LY6G6F: variants seen among roughly 807,000 people sequenced by gnomAD.
LY6G6F encodes the protein lymphocyte antigen 6 family member G6F.
In LY6G6F, 26 loss-of-function variants were observed where a neutral mutation model predicts 33.0. That is an observed-to-expected ratio of 0.79 (90% CI 0.58 to 1.09). The LOEUF is 1.09. Ranked by LOEUF, LY6G6F falls within the 50% of genes least tolerant of loss-of-function variation. The pLI, the probability that LY6G6F is intolerant of heterozygous loss-of-function variation, is 0.00. For missense variants in LY6G6F, 317 were observed against 372.0 expected, an observed-to-expected ratio of 0.85 and a Z score of 1.22; for synonymous variants, 132 against 148.1, an observed-to-expected ratio of 0.89 and a Z score of 0.79.
At chr6:31,708,181 TCCCAAGTAGC>T in intron 3 of LY6G6F, 47 bp downstream of exon 3, 2 of 1,502,840 alleles carry the variant, frequency 1.3e-6, no homozygotes, top group Non-Finnish European at 1.8e-6. Context: ...CACTTCAGCC[TCCCAAGTAGC>T]TGGAATTACA....
chr6:31,709,329 G>A (rs563363967), intron 3 of LY6G6F, among the ~76,000 whole-genome samples: 2 of 150,784 alleles, frequency 1.3e-5, no homozygotes, highest in African/African-American at 2.4e-5. Context: ...GCGCAATCCC[G>A]GCTCACTGCA....
Position 31,710,632 on chromosome 6 carries a change from C to A in LY6G6F, c.*41C>A, listed in dbSNP as rs1562145680. 3.1e-6 allele frequency: 5 copies of A among 1,613,340 alleles called. No individual in the cohort carries two copies. Among genetic ancestry groups the A allele is most frequent in the Non-Finnish European group, 4.2e-6 (5 of 1,179,486 alleles). On this transcript the variant is annotated 3_prime_UTR_variant, in exon 6 of 6. Coordinates refer to ENST00000375832, the MANE Select transcript of LY6G6F (RefSeq NM_001003693.3). This position sits in a 1 kb window ranked among gnomAD's most constrained non-coding sequence, Gnocchi z 4.7. ...CTGGGAAGTGTGACCTGCTGTCTCGCTGGCCATCTGGCACCTGGAAGATTC... is the reference window on the plus strand; with the variant it reads ...CTGGGAAGTGTGACCTGCTGTCTCGATGGCCATCTGGCACCTGGAAGATTC...
Position 31,710,278 on chromosome 6 carries a change from G to C in LY6G6F, c.803-74G>C. 6.2e-7 allele frequency: 1 copy of C among 1,612,890 alleles called. No homozygotes were observed. Among genetic ancestry groups the C allele is most frequent in the Non-Finnish European group, 8.5e-7 (1 of 1,179,896 alleles). On this transcript the variant is annotated intron_variant, in intron 4 of 5. Transcript: ENST00000375832. This position sits in a 1 kb window ranked among gnomAD's most constrained non-coding sequence, Gnocchi z 4.7. ...CCTCTGTACCCCACCTCCTCTAGGG[G>C]AGGGGGCGAGGAACACGGCTCTAAG...
In LY6G6F at chr6:31,710,294, C is replaced by A. The variant is rs893637302; in HGVS notation, c.803-58C>A. The A allele has an allele frequency of 1.2e-6, 2 of 1,612,960 alleles. No individual in the cohort carries two copies. Among genetic ancestry groups the A allele is most frequent in the Non-Finnish European group, 8.5e-7 (1 of 1,179,976 alleles). ...CCTCTAGGGGAGGGGGCGAGGAACA[C>A]GGCTCTAAGTTGTCTGCTGACTTCT... On this transcript the variant is annotated intron_variant, in intron 4 of 5. Transcript: ENST00000375832. The surrounding 1 kb of genome is among the most constrained non-coding windows in gnomAD (Gnocchi z 4.7).
rs771917042 is a variant in LY6G6F at position 31,707,410 on chromosome 6, T to C, written c.53-48T>C. On this transcript the variant is annotated intron_variant, in intron 1 of 5. Transcript: ENST00000375832. This position sits in a 1 kb window ranked among gnomAD's most constrained non-coding sequence, Gnocchi z 4.1. Reference sequence around the variant, plus strand: ...CAGGGTTGAAGATCAAATGGGGGGTTATTGATCTGATGGAGGTCTCTGGCC... The same window carrying C: ...CAGGGTTGAAGATCAAATGGGGGGTCATTGATCTGATGGAGGTCTCTGGCC... 3.9e-6 allele frequency: 6 copies of C among 1,536,194 alleles called. No homozygotes were observed. The East Asian group carries it at 1.4e-4, about 35-fold the overall frequency.
rs1805906881 is a variant in LY6G6F, at chr6:31,710,004, T to C, written c.647-22T>C. The C allele has an allele frequency of 1.9e-6, 3 of 1,602,092 alleles. No individual in the cohort carries two copies. The highest frequency in any genetic ancestry group is 2.6e-6 in the Non-Finnish European group (3 of 1,173,112). On this transcript the variant is annotated intron_variant, in intron 3 of 5. Coordinates refer to ENST00000375832, the MANE Select transcript of LY6G6F (RefSeq NM_001003693.3). This position sits in a 1 kb window ranked among gnomAD's most constrained non-coding sequence, Gnocchi z 4.7. ...CCCCTCACTACCTCCCTCCCATCCC[T>C]CTGGTCTGGCCCTTACTACAGCCTC...
In LY6G6F at chr6:31,710,393, G is replaced by A; in HGVS notation, c.844G>A (p.Glu282Lys). 6.2e-7 allele frequency: 1 copy of A among 1,614,178 alleles called. No individual in the cohort carries two copies. The highest frequency in any genetic ancestry group is 8.5e-7 in the Non-Finnish European group (1 of 1,180,032). The change falls in exon 5 of 6, where the codon GAG becomes AAG. Residue 282 changes from glutamate (E) to lysine (K), a missense_variant. By Grantham distance (56) the Glu-to-Lys change is moderately conservative. Transcript: ENST00000375832. This position sits in a 1 kb window ranked among gnomAD's most constrained non-coding sequence, Gnocchi z 4.7. Reference protein sequence around the residue: ...PQFKPEIQVYENIHLARLGPP... With the variant: ...PQFKPEIQVYKNIHLARLGPP... ...GTTCAAACCCGAAATCCAGGTCTAT[G>A]AGAACATCCATTTGGCCCGTCTTGG... is the stretch of plus-strand genomic sequence containing the variant.
chr6:31,707,358 C>G lies in LY6G6F; in HGVS notation c.53-100C>G, dbSNP rs1479782096. On this transcript the variant is annotated intron_variant, in intron 1 of 5. Coordinates refer to ENST00000375832, the MANE Select transcript of LY6G6F (RefSeq NM_001003693.3). The surrounding 1 kb of genome is among the most constrained non-coding windows in gnomAD (Gnocchi z 4.1). ...AATGTGGTCACCAGCCAGGCCTGTG[C>G]TGGGGGACCCCAGAAGGGAAGGAAG... is the stretch of plus-strand genomic sequence containing the variant. The G allele has an allele frequency of 9.3e-7, 1 of 1,078,582 alleles. No individual in the cohort carries two copies. Among genetic ancestry groups the G allele is most frequent in the African/African-American group, 1.6e-5 (1 of 63,250 alleles). 66.8% of individuals were successfully genotyped at this position (1,078,582 alleles called of 1,614,324 possible).
Position 31,710,646 on chromosome 6 carries a change from C to T in LY6G6F, c.*55C>T. On this transcript the variant is annotated 3_prime_UTR_variant, in exon 6 of 6. Coordinates refer to ENST00000375832, the MANE Select transcript of LY6G6F (RefSeq NM_001003693.3). This position sits in a 1 kb window ranked among gnomAD's most constrained non-coding sequence, Gnocchi z 4.7. ...CTGCTGTCTCGCTGGCCATCTGGCA[C>T]CTGGAAGATTCCTCGACAACCTTAG... 1.2e-6 allele frequency: 2 copies of T among 1,610,292 alleles called. No homozygotes were observed. The highest frequency in any genetic ancestry group is 1.7e-6 in the Non-Finnish European group (2 of 1,176,764).
Position 31,710,438 on chromosome 6 carries a change from C to G in LY6G6F, c.869+20C>G. 6.2e-7 allele frequency: 1 copy of G among 1,614,110 alleles called. No homozygotes were observed. On this transcript the variant is annotated intron_variant, in intron 5 of 5. Transcript: ENST00000375832. The surrounding 1 kb of genome is among the most constrained non-coding windows in gnomAD (Gnocchi z 4.7). ...TCTTGGGTGAGGAACAGCTAGGGAA[C>G]AGAGGCTTAAATCCTGGAGGGGACT...
In LY6G6F at chr6:31,707,540, A is replaced by T; in HGVS notation, c.135A>T (p.Glu45Asp). 6.2e-7 allele frequency: 1 copy of T among 1,614,132 alleles called. No homozygotes were observed. Among genetic ancestry groups the T allele is most frequent in the Non-Finnish European group, 8.5e-7 (1 of 1,179,988 alleles). ...CPSPPTLHGD[E>D]HLSWFCSPAA... ...CACCACCTACTCTACATGGGGACGA[A>T]CACCTGTCATGGTTCTGCAGCCCTG... The change falls in exon 2 of 6, where the codon GAA (glutamate) becomes GAT (aspartate). Residue 45 changes from glutamate to aspartate, a missense_variant. By Grantham distance (45) the Glu-to-Asp change is conservative. Coordinates refer to ENST00000375832, the MANE Select transcript of LY6G6F (RefSeq NM_001003693.3). The surrounding 1 kb of genome is among the most constrained non-coding windows in gnomAD (Gnocchi z 4.1).
In LY6G6F at chr6:31,710,124, A is replaced by G; in HGVS notation, c.745A>G (p.Ile249Val). Residue 249 changes from isoleucine to valine, a missense_variant, in exon 4 of 6, where the codon ATC becomes GTC. Ile to Val is a conservative substitution (Grantham distance 29, BLOSUM62 3). Transcript: ENST00000375832. This position sits in a 1 kb window ranked among gnomAD's most constrained non-coding sequence, Gnocchi z 4.7. ...LLLTMGQGVV[I>V]LALSIVLWRQ... ...GCTCACAATGGGCCAGGGAGTTGTC[A>G]TCCTGGCCCTCAGCATCGTGCTCTG... 2 of 1,612,974 alleles carry G rather than the reference A, an allele frequency of 1.2e-6. No homozygotes were observed. The highest frequency in any genetic ancestry group is 1.7e-6 in the Non-Finnish European group (2 of 1,180,014).
At chr6:31,709,064 CTTTTTTTT>C (rs71552074) in intron 3 of LY6G6F, among the ~76,000 whole-genome samples, 4 of 52,218 alleles carry the variant, frequency 7.7e-5, no homozygotes, top group South Asian at 6.6e-4. Flanking sequence ...CACGCCTGGC[CTTTTTTTT>C]TTTTTTTTTT....
intron 3 of LY6G6F, among the ~76,000 whole-genome samples, chr6:31,708,914 G>A (rs1030038290): frequency 6.7e-6 from 1 of 149,428 alleles, no homozygotes; most frequent in Non-Finnish European, 1.5e-5. Context: ...CAACAAGAGC[G>A]AAGCTCTATC....
chr6:31,709,105 T>C (rs1351039351), intron 3 of LY6G6F, among the ~76,000 whole-genome samples: 1 of 135,160 alleles, frequency 7.4e-6, no homozygotes, highest in African/African-American at 2.8e-5. Context: ...TGGAGACTTG[T>C]TCTGTTGGCC....
chr6:31,706,996 C>T (rs1470546439), intron 1 of LY6G6F, 38 bp downstream of exon 1: 1 of 1,601,704 alleles, frequency 6.2e-7, no homozygotes, highest in African/African-American at 1.3e-5. Flanking sequence ...TAGCTATTTG[C>T]AAGGTTGGGG....
In LY6G6F at chr6:31,707,656, G is replaced by C. The variant is rs140789970; in HGVS notation, c.251G>C (p.Arg84Thr). 1 of 1,613,822 alleles carries C rather than the reference G, an allele frequency of 6.2e-7. No individual in the cohort carries two copies. Among genetic ancestry groups the C allele is most frequent in the Non-Finnish European group, 8.5e-7 (1 of 1,179,880 alleles). Residue 84 changes from arginine (R) to threonine (T), a missense_variant, in exon 2 of 6, where the codon AGA becomes ACA. Arg to Thr is a moderately conservative substitution (Grantham distance 71). Coordinates refer to ENST00000375832, the MANE Select transcript of LY6G6F (RefSeq NM_001003693.3). The surrounding 1 kb of genome is among the most constrained non-coding windows in gnomAD (Gnocchi z 4.1). ...AAACCAGGAAGGGAATCCAGGCTCAGACTGCTGGGGAACTATTCTTTGTGG... is the reference window on the plus strand; with the variant it reads ...AAACCAGGAAGGGAATCCAGGCTCACACTGCTGGGGAACTATTCTTTGTGG... Reference protein sequence around the residue: ...PGKPGRESRLRLLGNYSLWLE... With the variant: ...PGKPGRESRLTLLGNYSLWLE...
Position 31,710,235 on chromosome 6 carries a change from G to T in LY6G6F, c.802+54G>T. 1 of 1,609,538 alleles carries T rather than the reference G, an allele frequency of 6.2e-7. No homozygotes were observed. Among genetic ancestry groups the T allele is most frequent in the Non-Finnish European group, 8.5e-7 (1 of 1,177,550 alleles). Reference sequence around the variant, plus strand: ...GAGGGCACATGGGTGGGAGGCAAAGGGCTAGGCTCACACCCCGCCTCTGTA... The same window carrying T: ...GAGGGCACATGGGTGGGAGGCAAAGTGCTAGGCTCACACCCCGCCTCTGTA... On this transcript the variant is annotated intron_variant, in intron 4 of 5. Transcript: ENST00000375832. This position sits in a 1 kb window ranked among gnomAD's most constrained non-coding sequence, Gnocchi z 4.7.
At position 31,707,363 on chromosome 6, in the gene LY6G6F, G is replaced by C; in HGVS notation, c.53-95G>C. 4.4e-6 allele frequency: 5 copies of C among 1,134,530 alleles called. No homozygotes were observed. The highest frequency in any genetic ancestry group is 6.4e-6 in the Non-Finnish European group (5 of 784,038). The allele number at this position is 1,134,530 out of a possible 1,614,324, so 70.3% of individuals were successfully genotyped here. A position where few individuals can be genotyped will look rare whatever the true frequency, so the allele number is the denominator to read the frequency against. On this transcript the variant is annotated intron_variant, in intron 1 of 5. Transcript: ENST00000375832. The surrounding 1 kb of genome is among the most constrained non-coding windows in gnomAD (Gnocchi z 4.1). ...GGTCACCAGCCAGGCCTGTGCTGGG[G>C]GACCCCAGAAGGGAAGGAAGCCAGG...
Sources: gnomAD v4.1 joint callset for allele counts (sites outside exome capture counted in the v4.1 genomes callset) on GRCh38, gnomAD v4.1.1 for gene constraint, Gnocchi (gnomAD v3.1) non-coding constraint, MANE v1.5 for transcripts, NCBI Gene and HGNC (gene_info 2026-07-23, HGNC 2026-07-21) for gene names.